Variants in GDF10 observed in about 807,000 individuals in gnomAD.
GDF10 encodes growth differentiation factor 10, also known as growth/differentiation factor 10.
Under a neutral mutation model 32.1 loss-of-function variants are expected in GDF10, and 23 were observed. The ratio of observed to expected loss-of-function variants is 0.72; its 90% CI spans 0.52 to 1.02. The LOEUF is 1.02. Ranked by LOEUF, GDF10 falls within the 50% of genes least tolerant of loss-of-function variation. The probability of loss-of-function intolerance (pLI) is 0.00; values close to 1 mark genes in which losing one functional copy is unlikely to be tolerated. For synonymous variants in GDF10, 328 were observed against 303.1 expected (o/e 1.08, Z -0.85); for missense variants, 764 against 673.9 (o/e 1.13, Z -1.48).
At position 47,310,098 on chromosome 10, in the gene GDF10, C is replaced by G; in HGVS notation, c.622C>G (p.Pro208Ala). Residue 208 changes from proline to alanine, a missense_variant, in exon 2 of 3, where the codon CCC becomes GCC. Transcript: ENST00000580279. ...RGLWQAKDIS[P>A]IVKAARRDGE... ...CCTGTGGCAGGCCAAGGACATCTCC[C>G]CCATCGTCAAGGCGGCCCGCCGGGA... 1 of 1,609,210 alleles carries G rather than the reference C, an allele frequency of 6.2e-7. No individual in the cohort carries two copies. Among genetic ancestry groups the G allele is most frequent in the East Asian group, 2.2e-5 (1 of 44,810 alleles).
Position 47,309,869 on chromosome 10 carries a change from C to T in GDF10, c.393C>T (p.Ala131=), listed in dbSNP as rs1555207415. 1 of 1,612,872 alleles carries T rather than the reference C, an allele frequency of 6.2e-7. No homozygotes were observed. The highest frequency in any genetic ancestry group is 1.7e-5 in the Admixed American group (1 of 60,030). Residue 131 remains alanine, a synonymous_variant, in exon 2 of 3, where the codon GCC becomes GCT. Transcript: ENST00000580279. ...SMQDSEMILT[A]TFHFYSEPPR... ...AAGACTCGGAAATGATCCTTACGGCCACTTTCCACTTCTACTCAGAGCCGC... is the reference window on the plus strand; with the variant it reads ...AAGACTCGGAAATGATCCTTACGGCTACTTTCCACTTCTACTCAGAGCCGC...
intron 1 of GDF10, 135 bp downstream of exon 1, chr10:47,301,105 T>G (rs2061003268): frequency 4.7e-6 from 3 of 637,444 alleles, no homozygotes; most frequent in African/African-American, 1.9e-5. Context: ...TCACTAATGA[T>G]TCACTGATCT....
At chr10:47,307,678 C>A (rs868914849) in intron 1 of GDF10, among the ~76,000 whole-genome samples, 9 of 152,246 alleles carry the variant, frequency 5.9e-5, no homozygotes, top group Non-Finnish European at 1.3e-4. Context: ...AGGACTTATA[C>A]CCTTTTGCAC....
rs782288613 is a variant in GDF10 at position 47,307,667 on chromosome 10, T to C, written c.320-2129T>C. ...AGGAGGCATTCAAGCCACATGGAGG[T>C]AGGACTTATACCCTTTTGCACAACC... On this transcript the variant is annotated intron_variant, in intron 1 of 2. Coordinates refer to ENST00000580279, the MANE Select transcript of GDF10 (RefSeq NM_004962.5). 3.2e-4 allele frequency among the ~76,000 whole-genome samples: 48 copies of C among 152,148 alleles called. 1 individual carries two copies. Among genetic ancestry groups the C allele is most frequent in the Non-Finnish European group, 5.6e-4 (38 of 68,030 alleles).
rs1555206744 is a variant in GDF10 at position 47,300,698 on chromosome 10, T to C, written c.47T>C (p.Leu16Pro). Residue 16 changes from leucine (L) to proline (P), a missense_variant, in exon 1 of 3, where the codon CTG (leucine) becomes CCG (proline). Coordinates refer to ENST00000580279, the MANE Select transcript of GDF10 (RefSeq NM_004962.5). ...ACCAGCCCGGGACCCGGGCCCCAGCTGCTGCTGCTGCTGCTGCCGTTGTTT... is the reference window on the plus strand; with the variant it reads ...ACCAGCCCGGGACCCGGGCCCCAGCCGCTGCTGCTGCTGCTGCCGTTGTTT... ...ARTSPGPGPQLLLLLLPLFLL... is the reference protein window; with the variant it reads ...ARTSPGPGPQPLLLLLPLFLL... The C allele has an allele frequency of 1.3e-6, 2 of 1,544,410 alleles. No individual in the cohort carries two copies. The highest frequency in any genetic ancestry group is 1.8e-5 in the Admixed American group (1 of 56,990).
At position 47,310,700 on chromosome 10, in the gene GDF10, A is replaced by G. The variant is rs782569920; in HGVS notation, c.1224A>G (p.Ala408=). 1.2e-6 allele frequency: 2 copies of G among 1,612,542 alleles called. No homozygotes were observed. Among genetic ancestry groups the G allele is most frequent in the African/African-American group, 2.7e-5 (2 of 75,020 alleles). ...KSFDAYYCAG[A]CEFPMPKIVR... ...TTGATGCCTACTACTGCGCGGGAGC[A>G]TGTGAGTTCCCCATGCCTAAGGTAG... Residue 408 remains alanine (A), a synonymous_variant, in exon 2 of 3, where the codon GCA becomes GCG. Transcript: ENST00000580279.
In GDF10 at chr10:47,300,695, A is replaced by T. The variant is rs2061000704; in HGVS notation, c.44A>T (p.Gln15Leu). 6.2e-7 allele frequency: 1 copy of T among 1,600,486 alleles called. No homozygotes were observed. The highest frequency in any genetic ancestry group is 2.3e-5 in the East Asian group (1 of 44,070). The change falls in exon 1 of 3, where the codon CAG becomes CTG. Residue 15 changes from glutamine (Q) to leucine (L), a missense_variant. Transcript: ENST00000580279. ...PARTSPGPGPQLLLLLLPLFL... is the reference protein window; with the variant it reads ...PARTSPGPGPLLLLLLLPLFL... ...CGGACCAGCCCGGGACCCGGGCCCC[A>T]GCTGCTGCTGCTGCTGCTGCCGTTG...
chr10:47,307,954 C>T (rs1044541588), intron 1 of GDF10, among the ~76,000 whole-genome samples: 10 of 152,212 alleles, frequency 6.6e-5, no homozygotes, highest in African/African-American at 2.4e-4. Flanking sequence ...ATCTTCCAGA[C>T]AATCCTCTGT....
At chr10:47,303,606 C>T (rs1056173229) in intron 1 of GDF10, among the ~76,000 whole-genome samples, 1 of 152,124 alleles carries the variant, frequency 6.6e-6, no homozygotes, top group African/African-American at 2.4e-5. Context: ...ATACCAGCCA[C>T]CCCTTCCTTC....
rs782221130 is a variant in GDF10 at position 47,312,665 on chromosome 10, G to T, written c.1310G>T (p.Gly437Val). 20 of 1,609,302 alleles carry T rather than the reference G, an allele frequency of 1.2e-5. No individual in the cohort carries two copies. The highest frequency in any genetic ancestry group is 1.7e-5 in the Non-Finnish European group (20 of 1,177,348). The change falls in exon 3 of 3, where the codon GGC becomes GTC. Residue 437 changes from glycine to valine, a missense_variant. Physicochemically the swap from Gly to Val is moderately radical, Grantham distance 109. Coordinates refer to ENST00000580279, the MANE Select transcript of GDF10 (RefSeq NM_004962.5). ...GTCAGGGCTGTGGGCATCATCCCTG[G>T]CATCCCAGAGCCCTGCTGTGTTCCC... ...SIVRAVGIIP[G>V]IPEPCCVPDK...
At chr10:47,310,850 A>T (rs1555207713) in intron 2 of GDF10, 129 bp downstream of exon 2, 50 of 679,376 alleles carry the variant, frequency 7.4e-5, no homozygotes, top group Non-Finnish European at 2.6e-6. Flanking sequence ...TATCTATTCC[A>T]GGCAGGAAAT....
In GDF10 at chr10:47,310,413, G is replaced by C. The variant is rs985793502; in HGVS notation, c.937G>C (p.Ala313Pro). Reference protein sequence around the residue: ...LPGLDERPPRAHAQHFHKHQL... With the variant: ...LPGLDERPPRPHAQHFHKHQL... ...GGGGCTGGATGAGAGGCCGCCGCGC[G>C]CCCACGCACAGCACTTCCACAAGCA... The change falls in exon 2 of 3, where the codon GCC becomes CCC. Residue 313 changes from alanine (A) to proline (P), a missense_variant. By Grantham distance (27) the Ala-to-Pro change is conservative. Coordinates refer to ENST00000580279, the MANE Select transcript of GDF10 (RefSeq NM_004962.5). 2 of 1,611,352 alleles carry C rather than the reference G, an allele frequency of 1.2e-6. No individual in the cohort carries two copies. Among genetic ancestry groups the C allele is most frequent in the Middle Eastern group, 1.7e-4 (1 of 6,052 alleles).
chr10:47,308,249 T>C (rs1370844357), intron 1 of GDF10, among the ~76,000 whole-genome samples: 4 of 152,216 alleles, frequency 2.6e-5, no homozygotes, highest in Admixed American at 2.6e-4. Context: ...GTCATTGTTA[T>C]GCAGTCAAGG....
rs951970567 is a variant in GDF10 at position 47,300,562 on chromosome 10, T to A, written c.-90T>A. The A allele has an allele frequency of 8.0e-7, 1 of 1,252,808 alleles. No homozygotes were observed. The highest frequency in any genetic ancestry group is 1.1e-6 in the Non-Finnish European group (1 of 922,994). 77.6% of individuals were successfully genotyped at this position (1,252,808 alleles called of 1,614,324 possible). Reference sequence around the variant, plus strand: ...CTGCCCGGGCTCTCCCCGCGCGCCCTACTGCCGCGAGGTCAGTCCGCAGCC... The same window carrying A: ...CTGCCCGGGCTCTCCCCGCGCGCCCAACTGCCGCGAGGTCAGTCCGCAGCC... On this transcript the variant is annotated 5_prime_UTR_variant, in exon 1 of 3. Coordinates refer to ENST00000580279, the MANE Select transcript of GDF10 (RefSeq NM_004962.5).
chr10:47,305,956 T>G (rs1319237666), intron 1 of GDF10, among the ~76,000 whole-genome samples: 1 of 152,192 alleles, frequency 6.6e-6, no homozygotes, highest in African/African-American at 2.4e-5. Flanking sequence ...CATTAGCTCT[T>G]AGGCAGATCA....
At position 47,309,949 on chromosome 10, in the gene GDF10, C is replaced by A. The variant is rs782204938; in HGVS notation, c.473C>A (p.Ser158Ter). ...TGCAAGCCGCGGGCCAAGAACGCTT[C>A]AGGCCGCCCGCTGCCCCTGGGCCCG... ...VLCKPRAKNASGRPLPLGPPT... is the reference protein window; with the variant it reads ...VLCKPRAKNA The change falls in exon 2 of 3, where the codon TCA becomes TAA. Residue 158 changes from serine (S) to a stop codon, truncating the protein, a stop_gained. Coordinates refer to ENST00000580279, the MANE Select transcript of GDF10 (RefSeq NM_004962.5). LOFTEE classifies it high-confidence loss of function. The A allele has an allele frequency of 6.2e-7, 1 of 1,612,534 alleles. No homozygotes were observed. Among genetic ancestry groups the A allele is most frequent in the South Asian group, 1.1e-5 (1 of 90,936 alleles).
rs782759947 is a variant in GDF10 at position 47,310,349 on chromosome 10, C to T, written c.873C>T (p.Ala291=). ...NNSADPRVRR[A]AQATGPLQDN... is the part of the protein sequence containing the mutation. ...CAGCGGACCCCCGCGTGCGCCGAGCCGCGCAGGCCACTGGGCCCCTCCAGG... is the reference window on the plus strand; with the variant it reads ...CAGCGGACCCCCGCGTGCGCCGAGCTGCGCAGGCCACTGGGCCCCTCCAGG... The change falls in exon 2 of 3, where the codon GCC becomes GCT. Residue 291 remains alanine, a synonymous_variant. Coordinates refer to ENST00000580279, the MANE Select transcript of GDF10 (RefSeq NM_004962.5). 6.2e-6 allele frequency: 10 copies of T among 1,605,024 alleles called. No individual in the cohort carries two copies. Among genetic ancestry groups the T allele is most frequent in the East Asian group, 2.2e-5 (1 of 44,606 alleles).
Position 47,310,464 on chromosome 10 carries a change from G to A in GDF10, c.988G>A (p.Ala330Thr). The A allele has an allele frequency of 6.2e-7, 1 of 1,613,696 alleles. No homozygotes were observed. The highest frequency in any genetic ancestry group is 8.5e-7 in the Non-Finnish European group (1 of 1,179,782). Reference protein sequence around the residue: ...KHQLWPSPFRALKPRPGRKDR... With the variant: ...KHQLWPSPFRTLKPRPGRKDR... ...CCAGCTGTGGCCCAGCCCCTTCCGG[G>A]CGCTGAAACCCCGGCCAGGGCGCAA... The change falls in exon 2 of 3, where the codon GCG (alanine) becomes ACG (threonine). Residue 330 changes from alanine to threonine, a missense_variant. Physicochemically the swap from Ala to Thr is moderately conservative, Grantham distance 58. Coordinates refer to ENST00000580279, the MANE Select transcript of GDF10 (RefSeq NM_004962.5).
At position 47,310,652 on chromosome 10, in the gene GDF10, A is replaced by C; in HGVS notation, c.1176A>C (p.Glu392Asp). ...ACTTCGCAGACATCGGCTGGAATGA[A>C]TGGATAATCTCACCGAAATCTTTTG... The part of the protein sequence containing the change: ...KVDFADIGWN[E>D]WIISPKSFDA... Residue 392 changes from glutamate (E) to aspartate (D), a missense_variant, in exon 2 of 3, where the codon GAA becomes GAC. Transcript: ENST00000580279. 6.2e-7 allele frequency: 1 copy of C among 1,614,130 alleles called. No individual in the cohort carries two copies. Among genetic ancestry groups the C allele is most frequent in the Non-Finnish European group, 8.5e-7 (1 of 1,179,974 alleles).
Sources: gnomAD v4.1 joint callset for allele counts (sites outside exome capture counted in the v4.1 genomes callset) on GRCh38, gnomAD v4.1.1 for gene constraint, MANE v1.5 for transcripts, NCBI Gene and HGNC (gene_info 2026-07-23, HGNC 2026-07-21) for gene names.